Variants in PTPRD observed in about 807,000 individuals in gnomAD.
PTPRD encodes protein tyrosine phosphatase receptor type D.
A neutral mutation model predicts 214.5 loss-of-function variants in PTPRD; 34 were observed. That is an observed-to-expected ratio of 0.16 (90% confidence interval 0.12 to 0.21). PTPRD has a LOEUF of 0.21. Ranked by LOEUF, PTPRD falls within the 10% of genes least tolerant of loss-of-function variation. The pLI, the probability that PTPRD is intolerant of heterozygous loss-of-function variation, is 1.00. For synonymous variants in PTPRD, 1,128 were observed against 845.7 expected, an observed-to-expected ratio of 1.33 and a Z score of -5.79; for missense variants, 2,545 against 2,398.7, an observed-to-expected ratio of 1.06 and a Z score of -1.27.
chr9:10,213,018 T>G (rs1249466798), intron 3 of PTPRD, among the ~76,000 whole-genome samples: 1 of 152,198 alleles, frequency 6.6e-6, no homozygotes, highest in Non-Finnish European at 1.5e-5. Context: ...TATCATTGTT[T>G]GGCTTTTAAA....
At chr9:9,917,559 G>A (rs2081301511) in intron 5 of PTPRD, among the ~76,000 whole-genome samples, 2 of 150,594 alleles carry the variant, frequency 1.3e-5, no homozygotes, top group Non-Finnish European at 1.5e-5. Flanking sequence ...AAAAAATGAA[G>A]CAGAAGGTAT....
chr9:8,561,048 G>T (rs1218901053), intron 14 of PTPRD, among the ~76,000 whole-genome samples: 1 of 152,056 alleles, frequency 6.6e-6, no homozygotes, highest in African/African-American at 2.4e-5. Flanking sequence ...ACAGTTTAAA[G>T]CCTGAAAGCC....
At chr9:9,711,710 C>T (rs778901760) in intron 7 of PTPRD, among the ~76,000 whole-genome samples, 7 of 152,212 alleles carry the variant, frequency 4.6e-5, no homozygotes, top group South Asian at 2.1e-4. Context: ...CTACATGTAG[C>T]GGGGAGAAAC....
intron 11 of PTPRD, among the ~76,000 whole-genome samples, chr9:8,895,843 C>T (rs72704374): frequency 0.11 from 17,064 of 152,190 alleles, 1,383 homozygotes; most frequent in East Asian, 0.28. Context: ...GAAAACTATA[C>T]ATTTCACATT....
At chr9:9,162,213 G>A (rs1296672454) in intron 10 of PTPRD, among the ~76,000 whole-genome samples, 2 of 152,028 alleles carry the variant, frequency 1.3e-5, no homozygotes, top group African/African-American at 2.4e-5. Flanking sequence ...ACAAAATGTC[G>A]CAAAAAGTGG....
chr9:8,983,306 T>C (rs1423361129), intron 11 of PTPRD, among the ~76,000 whole-genome samples: 1 of 152,054 alleles, frequency 6.6e-6, no homozygotes, highest in Admixed American at 6.6e-5. Context: ...CTAGAAATTA[T>C]ATTAGATGAC....
intron 14 of PTPRD, among the ~76,000 whole-genome samples, chr9:8,559,861 T>C (rs2085466598): frequency 6.6e-6 from 1 of 152,236 alleles, no homozygotes; most frequent in African/African-American, 2.4e-5. Flanking sequence ...ATGGATAGCT[T>C]CCAACTTCAT....
In PTPRD at chr9:10,556,950, T is replaced by G. The variant is rs181693244; in HGVS notation, c.-600+55448A>C. On this transcript the variant is annotated intron_variant, in intron 2 of 45. Transcript: ENST00000381196. Reference sequence around the variant, plus strand: ...AGAAAACGGGTAAGTACAAGTAATATATCAGTTAAATAGCAGACATCCTAT... The same window carrying G: ...AGAAAACGGGTAAGTACAAGTAATAGATCAGTTAAATAGCAGACATCCTAT... Among the ~76,000 whole-genome samples the G allele has an allele frequency of 1.3e-4, 20 of 152,182 alleles. No individual in the cohort carries two copies. In the East Asian group the frequency reaches 2.7e-3, roughly 21 times the overall value.
intron 11 of PTPRD, among the ~76,000 whole-genome samples, chr9:8,776,944 T>C (rs920384793): frequency 1.4e-4 from 21 of 148,190 alleles, no homozygotes; most frequent in African/African-American, 5.1e-4. Flanking sequence ...ATGTAATACA[T>C]ATGTATAGTA....
intron 3 of PTPRD, among the ~76,000 whole-genome samples, chr9:10,055,545 C>T (rs2097616464): frequency 6.6e-6 from 1 of 152,052 alleles, no homozygotes; most frequent in African/African-American, 2.4e-5. Flanking sequence ...GATTTAAACA[C>T]AGGAATCTGA....
intron 11 of PTPRD, among the ~76,000 whole-genome samples, chr9:8,955,880 A>G (rs1460760762): frequency 1.3e-5 from 2 of 151,936 alleles, no homozygotes; most frequent in Non-Finnish European, 2.9e-5. Context: ...TACATATAGC[A>G]TTCATTTGCA....
intron 2 of PTPRD, among the ~76,000 whole-genome samples, chr9:10,431,783 A>T (rs1042877004): frequency 1.4e-4 from 21 of 152,092 alleles, no homozygotes; most frequent in African/African-American, 3.9e-4. Flanking sequence ...AAGTCAGGAA[A>T]TAACAGGTGC....
chr9:10,503,959 A>G (rs1007159976), intron 2 of PTPRD, among the ~76,000 whole-genome samples: 1 of 151,370 alleles, frequency 6.6e-6, no homozygotes, highest in South Asian at 2.1e-4. Context: ...TACTAAAAAT[A>G]CAAAAAATTA....
At chr9:9,710,879 G>C (rs945711868) in intron 7 of PTPRD, among the ~76,000 whole-genome samples, 3 of 152,114 alleles carry the variant, frequency 2.0e-5, no homozygotes, top group Admixed American at 6.5e-5. Flanking sequence ...ATGATTTCCA[G>C]CCAGGGCCGT....
intron 14 of PTPRD, among the ~76,000 whole-genome samples, chr9:8,578,514 A>G (rs527742517): frequency 3.3e-5 from 5 of 152,282 alleles, no homozygotes; most frequent in African/African-American, 1.2e-4. Context: ...ACTCAGAAAA[A>G]TTCTCTAGGC....
chr9:8,950,157 T>C (rs1278118335), intron 11 of PTPRD, among the ~76,000 whole-genome samples: 1 of 152,114 alleles, frequency 6.6e-6, no homozygotes, highest in Non-Finnish European at 1.5e-5. Context: ...CTAAATTTGT[T>C]AGTTTCTAAT....
chr9:8,529,224 G>C (rs1020180989), intron 14 of PTPRD, among the ~76,000 whole-genome samples: 80 of 152,174 alleles, frequency 5.3e-4, no homozygotes, highest in Admixed American at 1.0e-3. Context: ...GTTTTGCCGA[G>C]AGAGAAGCAT....
intron 8 of PTPRD, among the ~76,000 whole-genome samples, chr9:9,428,010 A>G (rs1398309207): frequency 6.6e-6 from 1 of 152,184 alleles, no homozygotes; most frequent in African/African-American, 2.4e-5. Context: ...TCAACTAAGG[A>G]GCAAAATAAC....
intron 11 of PTPRD, among the ~76,000 whole-genome samples, chr9:8,855,443 A>AG (rs2097898526): frequency 6.6e-6 from 1 of 152,202 alleles, no homozygotes; most frequent in Non-Finnish European, 1.5e-5. Flanking sequence ...CTCTGGCCCA[A>AG]GAAGAATCTG....
Sources: allele counts gnomAD v4.1 joint callset (sites outside exome capture counted in the v4.1 genomes callset), GRCh38; gene constraint gnomAD v4.1.1; transcripts MANE v1.5; gene names NCBI Gene and HGNC (gene_info 2026-07-23, HGNC 2026-07-21).